Variants in SORCS2 observed in about 807,000 individuals in gnomAD.
SORCS2 encodes VPS10 domain-containing receptor SorCS2.
A neutral mutation model predicts 141.6 loss-of-function variants in SORCS2; 100 were observed. The ratio of observed to expected loss-of-function variants is 0.71; its 90% CI spans 0.60 to 0.83. The LOEUF (loss-of-function observed/expected upper bound fraction) is 0.83, where lower values mean the gene tolerates loss of function less well. Among genes scored for constraint, SORCS2 ranks in the 40% least tolerant of loss-of-function variants. SORCS2 has a pLI of 0.00. For missense variants in SORCS2, 1,646 were observed against 1,560.2 expected, an observed-to-expected ratio of 1.05 and a Z score of -0.93; for synonymous variants, 789 against 676.9, an observed-to-expected ratio of 1.17 and a Z score of -2.57.
chr4:7,337,533 C>T (rs1185771576), intron 1 of SORCS2, among the ~76,000 whole-genome samples: 1 of 152,048 alleles, frequency 6.6e-6, no homozygotes, highest in East Asian at 1.9e-4. Flanking sequence ...GGAGACCTGG[C>T]TTGTTGGAGG....
chr4:7,328,561 A>T (rs908733906), intron 1 of SORCS2, among the ~76,000 whole-genome samples: 2 of 152,106 alleles, frequency 1.3e-5, no homozygotes, highest in Non-Finnish European at 2.9e-5. Context: ...GCCAGAGTGG[A>T]GTTCGTTCAT....
At chr4:7,350,979 C>T (rs918956662) in intron 1 of SORCS2, among the ~76,000 whole-genome samples, 2 of 152,122 alleles carry the variant, frequency 1.3e-5, no homozygotes, top group African/African-American at 4.8e-5. Context: ...CTGGGGCACA[C>T]GTGGTCGGGG....
At chr4:7,462,456 C>T (rs867930824) in intron 2 of SORCS2, among the ~76,000 whole-genome samples, 1 of 152,082 alleles carries the variant, frequency 6.6e-6, no homozygotes, top group African/African-American at 2.4e-5. Flanking sequence ...ATCAGTAGGC[C>T]AGGGGTCCCT....
chr4:7,387,749 CAGAT>C (rs1723517096), intron 1 of SORCS2, among the ~76,000 whole-genome samples: 1 of 134,188 alleles, frequency 7.5e-6, no homozygotes, highest in South Asian at 2.7e-4. Flanking sequence ...CATGCACACA[CAGAT>C]ACACAGAAAT....
intron 2 of SORCS2, among the ~76,000 whole-genome samples, chr4:7,445,435 G>A (rs1280350344): frequency 6.6e-6 from 1 of 152,156 alleles, no homozygotes; most frequent in Non-Finnish European, 1.5e-5. Flanking sequence ...AAGAGCATGA[G>A]GCCTCCTGGA....
At chr4:7,289,901 G>A (rs748475605) in intron 1 of SORCS2, among the ~76,000 whole-genome samples, 17 of 152,082 alleles carry the variant, frequency 1.1e-4, no homozygotes, top group East Asian at 1.9e-4. Context: ...ATTCTGCATC[G>A]CCATTGTCAC....
At chr4:7,702,205 G>A (rs1725131315) in intron 12 of SORCS2, among the ~76,000 whole-genome samples, 1 of 152,182 alleles carries the variant, frequency 6.6e-6, no homozygotes, top group African/African-American at 2.4e-5. Flanking sequence ...CCTGTGTCCT[G>A]CTGTGGGCCA....
At chr4:7,194,009 C>T (rs1268601640) in intron 1 of SORCS2, among the ~76,000 whole-genome samples, 1 of 152,128 alleles carries the variant, frequency 6.6e-6, no homozygotes, top group Admixed American at 6.5e-5. Context: ...ACCTCACTCC[C>T]CACTTCCCCC....
At chr4:7,276,849 T>A (rs1302890388) in intron 1 of SORCS2, among the ~76,000 whole-genome samples, 1 of 151,972 alleles carries the variant, frequency 6.6e-6, no homozygotes, top group African/African-American at 2.4e-5. Flanking sequence ...GTGCTCAGAG[T>A]TGATGTGTGT....
chr4:7,254,830 G>C (rs549285621), intron 1 of SORCS2, among the ~76,000 whole-genome samples: 3 of 152,082 alleles, frequency 2.0e-5, no homozygotes, highest in Non-Finnish European at 4.4e-5. Flanking sequence ...GTTGAGAGCA[G>C]AGTCTCTCAC....
intron 2 of SORCS2, among the ~76,000 whole-genome samples, chr4:7,483,339 A>AC (rs1358047241): frequency 8.6e-5 from 13 of 151,286 alleles, no homozygotes; most frequent in African/African-American, 2.9e-4. Flanking sequence ...AAAAAAAAAA[A>AC]AGACAGTGAG....
At position 7,648,023 on chromosome 4, in the gene SORCS2, C is replaced by T. The variant is rs1406938666; in HGVS notation, c.814-6111C>T. Among the ~76,000 whole-genome samples, 3 of 152,220 alleles carry T rather than the reference C, an allele frequency of 2.0e-5. No homozygotes were observed. In the East Asian group the frequency reaches 5.8e-4, roughly 29 times the overall value. On this transcript the variant is annotated intron_variant, in intron 4 of 26. Transcript: ENST00000507866. The surrounding 1 kb of genome is among the most constrained non-coding windows in gnomAD (Gnocchi z 4.2). The stretch of plus-strand genomic sequence containing the variant: ...GATGGGAGACTAGGGGAGGCAGGAG[C>T]AGCCGAGGTGGAGTGGGGAAGTGGG...
In SORCS2 at chr4:7,715,130, A is replaced by T; in HGVS notation, c.2124-53A>T. ...CCAGATTTCACCCCAACCCTGGGTG[A>T]CTCCGGTTCCCACCTGTGCCCGTCA... On this transcript the variant is annotated intron_variant, in intron 16 of 26. Coordinates refer to ENST00000507866, the MANE Select transcript of SORCS2 (RefSeq NM_020777.3). The T allele has an allele frequency of 2.5e-6, 4 of 1,599,392 alleles. No homozygotes were observed. The Admixed American group carries it at 6.7e-5, about 27-fold the overall frequency.
chr4:7,525,676 C>T (rs1560355898), intron 2 of SORCS2, among the ~76,000 whole-genome samples: 1 of 152,044 alleles, frequency 6.6e-6, no homozygotes, highest in Non-Finnish European at 1.5e-5. Flanking sequence ...CACCTGTCCC[C>T]AACTCAGTCA....
At chr4:7,547,393 T>C (rs1025841127) in intron 3 of SORCS2, among the ~76,000 whole-genome samples, 14 of 152,212 alleles carry the variant, frequency 9.2e-5, no homozygotes, top group African/African-American at 3.4e-4. Context: ...GTCGCATACT[T>C]GGAGCCTTTT....
intron 2 of SORCS2, among the ~76,000 whole-genome samples, chr4:7,402,825 T>G (rs188043577): frequency 4.7e-4 from 71 of 152,146 alleles, no homozygotes; most frequent in Non-Finnish European, 7.9e-4. Context: ...ATGGAACATA[T>G]TTTTCTGTGT....
chr4:7,486,773 C>G (rs1348219130), intron 2 of SORCS2, among the ~76,000 whole-genome samples: 1 of 152,190 alleles, frequency 6.6e-6, no homozygotes, highest in African/African-American at 2.4e-5. Flanking sequence ...CAGCTGCCCT[C>G]CCATGGTGTT....
chr4:7,243,596 A>G (rs1463939603), intron 1 of SORCS2, among the ~76,000 whole-genome samples: 2 of 152,230 alleles, frequency 1.3e-5, no homozygotes, highest in Non-Finnish European at 2.9e-5. Context: ...AACACCGTCT[A>G]TCAGGGAAGG....
At chr4:7,461,534 A>G (rs28662355) in intron 2 of SORCS2, among the ~76,000 whole-genome samples, 7,416 of 152,316 alleles carry the variant, frequency 0.049, 634 homozygotes, top group African/African-American at 0.17. Flanking sequence ...ATTTTCATGC[A>G]CGTGACAAAA....
Sources: gnomAD v4.1 joint callset for allele counts (sites outside exome capture counted in the v4.1 genomes callset) on GRCh38, gnomAD v4.1.1 for gene constraint, Gnocchi (gnomAD v3.1) non-coding constraint, MANE v1.5 for transcripts, NCBI Gene and HGNC (gene_info 2026-07-23, HGNC 2026-07-21) for gene names.